Variants in TJP1 observed in about 807,000 individuals in gnomAD.
TJP1 encodes the protein tight junction protein 1.
TJP1 carries 43 observed loss-of-function variants against 194.2 expected under a neutral mutation model. The observed-to-expected ratio is 0.22, with a 90% CI of 0.17 to 0.29. The LOEUF (loss-of-function observed/expected upper bound fraction) is 0.29, where lower values mean the gene tolerates loss of function less well. TJP1 is among the 10% of genes least tolerant of loss of function. The pLI is 1.00. For missense variants in TJP1, 1,971 were observed against 2,185.7 expected (o/e 0.90, Z 1.96); for synonymous variants, 801 against 779.0 (o/e 1.03, Z -0.47).
At chr15:29,845,519 G>A (rs1255476293) in intron 2 of TJP1, among the ~76,000 whole-genome samples, 1 of 152,114 alleles carries the variant, frequency 6.6e-6, no homozygotes, top group Non-Finnish European at 1.5e-5. Context: ...AAAATAAATT[G>A]TACTGGCTGG....
chr15:29,818,475 C>T (rs1241834733), intron 1 of TJP1, among the ~76,000 whole-genome samples: 1 of 152,190 alleles, frequency 6.6e-6, no homozygotes, highest in Non-Finnish European at 1.5e-5. Context: ...CGAACGCAGA[C>T]GTTTATCACA....
chr15:29,875,823 C>G (rs551210171), intron 2 of TJP1, among the ~76,000 whole-genome samples: 2 of 152,276 alleles, frequency 1.3e-5, no homozygotes, highest in East Asian at 3.9e-4. Context: ...CTCGGCCTCC[C>G]AAAGTGCTGG....
At chr15:29,909,532 G>A (rs965710980) in intron 2 of TJP1, among the ~76,000 whole-genome samples, 4 of 151,878 alleles carry the variant, frequency 2.6e-5, no homozygotes, top group African/African-American at 9.7e-5. Context: ...CTAAGTCCTT[G>A]GAAATATTAC....
intron 2 of TJP1, among the ~76,000 whole-genome samples, chr15:29,949,174 C>T (rs2055408555): frequency 2.0e-5 from 3 of 149,512 alleles, no homozygotes; most frequent in African/African-American, 4.9e-5. Flanking sequence ...CCACCACCAC[C>T]ACCTCCATCA....
At position 29,796,304 on chromosome 15, in the gene TJP1, CCTA is replaced by C. The variant is rs544650626; in HGVS notation, c.84+4339_84+4341del. On this transcript the variant is annotated intron_variant, in intron 2 of 27. Transcript: ENST00000614355. ...ACCCAGGAATCTAAACAAGAAAGTTCCTACAACTAGTAATTTTAAGACTGCAAG... is the reference window on the plus strand; with the variant it reads ...ACCCAGGAATCTAAACAAGAAAGTTCCAACTAGTAATTTTAAGACTGCAAG... Among the ~76,000 whole-genome samples, 44 of 151,030 alleles carry C rather than the reference CCTA, an allele frequency of 2.9e-4. 1 individual carries two copies. The Middle Eastern group carries it at 0.014, about 48-fold the overall frequency.
intron 4 of TJP1, among the ~76,000 whole-genome samples, chr15:29,768,614 C>G (rs2046462997): frequency 6.6e-6 from 1 of 152,074 alleles, no homozygotes; most frequent in African/African-American, 2.4e-5. Context: ...ACCTATCCAG[C>G]CCACTAAGAT....
rs1016252940 is a variant in TJP1 at position 29,813,162 on chromosome 15, TTAC to T, written c.27+8837_27+8839del. ...CTGATCAGTCAGGTAAGTGGATATC[TTAC>T]TACTAAAACATACTTCAATACTTAC... On this transcript the variant is annotated intron_variant, in intron 1 of 27. Coordinates refer to ENST00000614355, the MANE Select transcript of TJP1 (RefSeq NM_001330239.4). Among the ~76,000 whole-genome samples, 13 of 152,286 alleles carry T rather than the reference TTAC, an allele frequency of 8.5e-5. 1 individual carries two copies. Among genetic ancestry groups the T allele is most frequent in the Admixed American group, 8.5e-4 (13 of 15,292 alleles).
chr15:29,760,334 T>A, intron 8 of TJP1: 1 of 693,748 alleles, frequency 1.4e-6, no homozygotes, highest in Non-Finnish European at 2.6e-6. Flanking sequence ...CTCAGGTAGG[T>A]CATATACTAC....
Position 29,727,968 on chromosome 15 carries a change from C to T in TJP1, c.2069G>A (p.Arg690His), listed in dbSNP as rs201475376. 3.1e-6 allele frequency: 5 copies of T among 1,613,936 alleles called. No homozygotes were observed. The African/African-American group carries it at 4.0e-5, about 13-fold the overall frequency. The change falls in exon 16 of 28, where the codon CGC (arginine) becomes CAC (histidine). Residue 690 changes from arginine to histidine, a missense_variant. By Grantham distance (29) the Arg-to-His change is conservative. Coordinates refer to ENST00000614355, the MANE Select transcript of TJP1 (RefSeq NM_001330239.4). ...TATGATTTGCTTTATTGTATGCAGG[C>T]GAATAATGCCAGAGCTACGTTGGTC... ...GTDQRSSGII[R>H]LHTIKQIIDQ...
chr15:29,794,475 A>G (rs969075605), intron 2 of TJP1, among the ~76,000 whole-genome samples: 1 of 152,186 alleles, frequency 6.6e-6, no homozygotes, highest in African/African-American at 2.4e-5. Flanking sequence ...ATCATAACAG[A>G]CTTGCCTGAG....
intron 2 of TJP1, among the ~76,000 whole-genome samples, chr15:29,829,948 G>A (rs751437908): frequency 2.6e-5 from 4 of 151,252 alleles, no homozygotes; most frequent in Non-Finnish European, 5.9e-5. Flanking sequence ...AATGATATGA[G>A]ACTTTTCTAG....
intron 2 of TJP1, among the ~76,000 whole-genome samples, chr15:29,783,356 A>C (rs751544991): frequency 4.6e-5 from 7 of 152,160 alleles, no homozygotes; most frequent in Non-Finnish European, 1.0e-4. Context: ...AAAAAATAAC[A>C]GATGCTGGCA....
chr15:29,727,491 T>C (rs2043313377), intron 16 of TJP1, among the ~76,000 whole-genome samples: 1 of 152,234 alleles, frequency 6.6e-6, no homozygotes, highest in Non-Finnish European at 1.5e-5. Flanking sequence ...AATTGTAAGT[T>C]AACTCAATTC....
chr15:29,718,780 T>A lies in TJP1; in HGVS notation c.3362A>T (p.Glu1121Val). Residue 1121 changes from glutamate to valine, a missense_variant, in exon 21 of 28, where the codon GAA (glutamate) becomes GTA (valine). Physicochemically the swap from Glu to Val is moderately radical, Grantham distance 121. Around this residue, in one of 5 missense-constraint regions of TJP1, gnomAD observed 1,108 missense variants for 1,128.5 expected, o/e 0.98. Transcript: ENST00000614355. ...SQDLDSRQHPEESSERGYFPR... is the reference protein window; with the variant it reads ...SQDLDSRQHPVESSERGYFPR... ...AAAGTACCCTCGTTCTGAGGACTCT[T>A]CGGGATGCTGTCTGGAGTCAAGGTC... is the stretch of plus-strand genomic sequence containing the variant. The A allele has an allele frequency of 6.2e-7, 1 of 1,614,140 alleles. No homozygotes were observed. Among genetic ancestry groups the A allele is most frequent in the Non-Finnish European group, 8.5e-7 (1 of 1,180,036 alleles).
At chr15:29,956,399 T>A (rs2055944151) in intron 1 of TJP1, 6 of 1,275,822 alleles carry the variant, frequency 4.7e-6, no homozygotes, top group Non-Finnish European at 6.1e-6. Context: ...AAAAGGCAGG[T>A]TTACAGGTGA....
At chr15:29,821,375 GTTAAA>G (rs1310659991) in intron 1 of TJP1, 1 of 152,170 alleles carries the variant, frequency 6.6e-6, no homozygotes, top group African/African-American at 2.4e-5. Context: ...TTTAATTCAA[GTTAAA>G]TTATTAAATG....
chr15:29,710,022 T>C (rs1387269978), intron 24 of TJP1, among the ~76,000 whole-genome samples: 3 of 152,008 alleles, frequency 2.0e-5, no homozygotes, highest in African/African-American at 7.3e-5. Context: ...GGTGTGCGCC[T>C]ATAGTCCCAG....
chr15:29,751,000 CAG>C, intron 8 of TJP1, among the ~76,000 whole-genome samples: 1 of 152,314 alleles, frequency 6.6e-6, no homozygotes, highest in East Asian at 1.9e-4. Context: ...TGCAAAAAGA[CAG>C]AAAAGTGAAG....
Position 29,737,374 on chromosome 15 carries a change from C to T in TJP1, c.1297G>A (p.Val433Met). The T allele has an allele frequency of 6.2e-7, 1 of 1,614,176 alleles. No homozygotes were observed. Among genetic ancestry groups the T allele is most frequent in the Non-Finnish European group, 8.5e-7 (1 of 1,180,020 alleles). Residue 433 changes from valine (V) to methionine (M), a missense_variant, in exon 11 of 28, where the codon GTG becomes ATG. Around this residue, in one of 5 missense-constraint regions of TJP1, gnomAD observed 24 missense variants for 54.2 expected, o/e 0.44. Coordinates refer to ENST00000614355, the MANE Select transcript of TJP1 (RefSeq NM_001330239.4). ...KLVKFRKGDS[V>M]GLRLAGGNDV... is the part of the protein sequence containing the mutation. ...TTTCCACCAGCCAGCCGCAAACCCA[C>T]ACTATCTCCTTTTCTGAATTTTACC...
Sources: gnomAD v4.1 joint callset for allele counts (sites outside exome capture counted in the v4.1 genomes callset) on GRCh38, gnomAD v4.1.1 for gene constraint, gnomAD v4.1.1 regional missense constraint, MANE v1.5 for transcripts, NCBI Gene and HGNC (gene_info 2026-07-23, HGNC 2026-07-21) for gene names.